The following MUC5B variants were observed in gnomAD, a reference collection of about 807,000 sequenced individuals.
MUC5B encodes mucin 5B, oligomeric mucus/gel-forming, also known as mucin-5B.
In MUC5B, 116 loss-of-function variants were observed where a neutral mutation model predicts 376.9. The observed-to-expected ratio is 0.31, with a 90% CI of 0.26 to 0.36. MUC5B has a LOEUF of 0.36. Ranked by LOEUF, MUC5B falls within the 10% of genes least tolerant of loss-of-function variation. The probability of loss-of-function intolerance (pLI) is 1.00; values close to 1 mark genes in which losing one functional copy is unlikely to be tolerated. For missense variants in MUC5B, 7,165 were observed against 7,769.9 expected (o/e 0.92, Z 2.93); for synonymous variants, 3,517 against 3,390.9 (o/e 1.04, Z -1.29).
chr11:1,232,426 G>A (rs1267967175), intron 15 of MUC5B, 24 bp from the exon 16 acceptor site: 1 of 1,583,236 alleles, frequency 6.3e-7, no homozygotes, highest in Non-Finnish European at 8.6e-7. Context: ...AGGGCGTGGA[G>A]ATGAGGTCAG....
intron 8 of MUC5B, 112 bp from the exon 9 acceptor site, chr11:1,229,058 C>G: frequency 7.6e-7 from 1 of 1,317,854 alleles, no homozygotes; most frequent in South Asian, 1.5e-5. Flanking sequence ...GGGCCTAGCT[C>G]TGGCTTCTGT....
In MUC5B at chr11:1,243,662, C is replaced by A; in HGVS notation, c.6782C>A (p.Thr2261Asn). ...TCCAGCCCTCACCCTAGCAGCAGAA[C>A]CACCGAGTCACCCCCTTCTCCAGGG... ...ALSSPHPSSRTTESPPSPGTT... is the reference protein window; with the variant it reads ...ALSSPHPSSRNTESPPSPGTT... The change falls in exon 31 of 49, where the codon ACC (threonine) becomes AAC (asparagine). Residue 2261 changes from threonine (T) to asparagine (N), a missense_variant. By Grantham distance (65) the Thr-to-Asn change is moderately conservative (BLOSUM62 0). Transcript: ENST00000529681. 1.2e-6 allele frequency: 2 copies of A among 1,611,482 alleles called. No homozygotes were observed. Among genetic ancestry groups the A allele is most frequent in the South Asian group, 1.1e-5 (1 of 90,952 alleles).
Position 1,248,646 on chromosome 11 carries a change from C to T in MUC5B, c.11766C>T (p.Thr3922=), listed in dbSNP as rs1862571895. The T allele has an allele frequency of 6.2e-7, 1 of 1,608,636 alleles. No homozygotes were observed. The highest frequency in any genetic ancestry group is 8.5e-7 in the Non-Finnish European group (1 of 1,177,980). The change falls in exon 31 of 49, where the codon ACC becomes ACT. Residue 3922 remains threonine (T), a synonymous_variant. Transcript: ENST00000529681. ...ACACCCCCACAGTGCTGACCACCAC[C>T]ACCACAACTGTGGCCACTGGTTCTA... The part of the protein sequence containing the change: ...TTHTPTVLTT[T]TTTVATGSMA...
At position 1,251,385 on chromosome 11, in the gene MUC5B, G is replaced by T. The variant is rs201832207; in HGVS notation, c.14505G>T (p.Thr4835=). Residue 4835 remains threonine, a synonymous_variant, in exon 31 of 49, where the codon ACG becomes ACT. Transcript: ENST00000529681. The part of the protein sequence containing the change: ...TATTTAATGS[T]ATLSSTPGTT... ...CTACAACTGCAGCCACTGGATCCAC[G>T]GCCACCCTGTCCTCCACCCCAGGGA... The T allele has an allele frequency of 1.9e-6, 3 of 1,612,376 alleles. No individual in the cohort carries two copies. In the East Asian group the frequency reaches 6.7e-5, roughly 36 times the overall value.
rs1179680071 is a variant in MUC5B, at chr11:1,258,953, C to T, written c.16605C>T (p.Thr5535=). The T allele has an allele frequency of 6.4e-7, 1 of 1,551,582 alleles. No homozygotes were observed. ...YNGTFYGVGA[T]FPGALPCHMC... is the part of the protein sequence containing the mutation. The stretch of plus-strand genomic sequence containing the variant: ...CCCACCCCTTGCAGGTTGGTGCAAC[C>T]TTCCCAGGCGCCCTTCCCTGCCACA... The change falls in exon 44 of 49, where the codon ACC becomes ACT. Residue 5535 remains threonine, a synonymous_variant. Transcript: ENST00000529681. The surrounding 1 kb of genome is among the most constrained non-coding windows in gnomAD (Gnocchi z 5.5).
chr11:1,256,606 C>A, intron 38 of MUC5B, 65 bp from the exon 39 acceptor site: 1 of 1,294,830 alleles, frequency 7.7e-7, no homozygotes, highest in Non-Finnish European at 1.1e-6. Flanking sequence ...CCTGGGGACT[C>A]ACGTGGATGA....
rs371344396 is a variant in MUC5B, at chr11:1,232,695, G to A, written c.1990G>A (p.Ala664Thr). The A allele has an allele frequency of 9.1e-5, 145 of 1,599,054 alleles. No individual in the cohort carries two copies. Among genetic ancestry groups the A allele is most frequent in the South Asian group, 4.7e-4 (42 of 88,760 alleles). ...NCERSEDCLC[A>T]ALSSYVHACA... ...TGAGCGGAGCGAGGACTGCCTGTGC[G>A]CCGCGCTGTCCTCCTATGTGCACGC... Residue 664 changes from alanine to threonine, a missense_variant, in exon 17 of 49, where the codon GCC becomes ACC. By Grantham distance (58) the Ala-to-Thr change is moderately conservative (BLOSUM62 0). Transcript: ENST00000529681.
rs1259356082 is a variant in MUC5B, at chr11:1,230,490, A to C, written c.1360A>C (p.Lys454Gln). ...HGDCSYVLSK[K>Q]CADSSFTVLA... Reference sequence around the variant, plus strand: ...TGCACGCGTGGGTCCTTCTCCCCAGAAATGTGCCGACAGCAGCTTCACCGT... The same window carrying C: ...TGCACGCGTGGGTCCTTCTCCCCAGCAATGTGCCGACAGCAGCTTCACCGT... The change falls in exon 12 of 49, where the codon AAA (lysine) becomes CAA (glutamine). Residue 454 changes from lysine to glutamine, a missense_variant and splice_region_variant. This residue lies in a region of MUC5B where 640 missense variants were observed against 733.0 expected (regional missense o/e 0.87). Transcript: ENST00000529681. 6.2e-7 allele frequency: 1 copy of C among 1,603,476 alleles called. No individual in the cohort carries two copies. Among genetic ancestry groups the C allele is most frequent in the East Asian group, 2.2e-5 (1 of 44,452 alleles).
At chr11:1,239,220 C>T (rs947687975) in intron 26 of MUC5B, 193 bp downstream of exon 26, 5 of 921,706 alleles carry the variant, frequency 5.4e-6, no homozygotes, top group African/African-American at 4.9e-5. Flanking sequence ...ACAGGTTGCC[C>T]CAGCATGAGA....
At chr11:1,223,238 C>A (rs764104075) in intron 1 of MUC5B, 45 bp downstream of exon 1, 25 of 705,040 alleles carry the variant, frequency 3.5e-5, no homozygotes, top group Non-Finnish European at 6.0e-5. Context: ...GTCTTCACGG[C>A]GGGGGTCTCT....
chr11:1,250,106 C>T lies in MUC5B; in HGVS notation c.13226C>T (p.Ala4409Val), dbSNP rs761125500. Residue 4409 changes from alanine (A) to valine (V), a missense_variant, in exon 31 of 49, where the codon GCC (alanine) becomes GTC (valine). Physicochemically the swap from Ala to Val is moderately conservative, Grantham distance 64 (BLOSUM62 0). This residue lies in a region of MUC5B where 431 missense variants were observed against 390.4 expected (regional missense o/e 1.10). Transcript: ENST00000529681. ...ATTTAATGPTATPSSTPGTTW... is the reference protein window; with the variant it reads ...ATTTAATGPTVTPSSTPGTTW... ...ACAACTGCAGCCACTGGCCCCACGGCCACCCCGTCCTCCACCCCAGGGACC... is the reference window on the plus strand; with the variant it reads ...ACAACTGCAGCCACTGGCCCCACGGTCACCCCGTCCTCCACCCCAGGGACC... 2 of 1,594,704 alleles carry T rather than the reference C, an allele frequency of 1.3e-6. No individual in the cohort carries two copies. Among genetic ancestry groups the T allele is most frequent in the Admixed American group, 1.7e-5 (1 of 58,566 alleles).
intron 26 of MUC5B, 124 bp from the exon 27 acceptor site, chr11:1,239,314 G>T: frequency 7.5e-7 from 1 of 1,332,830 alleles, no homozygotes; most frequent in Non-Finnish European, 1.0e-6. Context: ...GGCCCTGCAT[G>T]TCTGGGACAA....
rs553945865 is a variant in MUC5B, at chr11:1,250,116, C to T, written c.13236C>T (p.Ser4412=). The T allele has an allele frequency of 5.0e-6, 8 of 1,594,622 alleles. No individual in the cohort carries two copies. In the East Asian group the frequency reaches 1.4e-4, roughly 27 times the overall value. ...CCACTGGCCCCACGGCCACCCCGTC[C>T]TCCACCCCAGGGACCACCTGGATCC... The part of the protein sequence containing the change: ...TAATGPTATP[S]STPGTTWILT... The change falls in exon 31 of 49, where the codon TCC becomes TCT. Residue 4412 remains serine (S), a synonymous_variant. Coordinates refer to ENST00000529681, the MANE Select transcript of MUC5B (RefSeq NM_002458.3).
In MUC5B at chr11:1,244,669, T is replaced by A; in HGVS notation, c.7789T>A (p.Ser2597Thr). The change falls in exon 31 of 49, where the codon TCC (serine) becomes ACC (threonine). Residue 2597 changes from serine to threonine, a missense_variant. By Grantham distance (58) the Ser-to-Thr change is moderately conservative (BLOSUM62 1). Coordinates refer to ENST00000529681, the MANE Select transcript of MUC5B (RefSeq NM_002458.3). ...TGATGSVATP[S>T]STPGTAHTTK... Reference sequence around the variant, plus strand: ...GGCCACCGGCTCTGTGGCCACCCCCTCCTCCACCCCAGGAACAGCTCACAC... The same window carrying A: ...GGCCACCGGCTCTGTGGCCACCCCCACCTCCACCCCAGGAACAGCTCACAC... The A allele has an allele frequency of 6.2e-7, 1 of 1,609,366 alleles. No homozygotes were observed.
Position 1,248,543 on chromosome 11 carries a change from C to T in MUC5B, c.11663C>T (p.Pro3888Leu), listed in dbSNP as rs1862565642. The T allele has an allele frequency of 1.4e-5, 22 of 1,613,264 alleles. No individual in the cohort carries two copies. Among genetic ancestry groups the T allele is most frequent in the Non-Finnish European group, 1.9e-5 (22 of 1,179,684 alleles). ...AGCCCAGGGACGGCACGCACGCCTC[C>T]AGTGTGGATCAGCACAACCACCACA... Reference protein sequence around the residue: ...SSSPGTARTPPVWISTTTTPT... With the variant: ...SSSPGTARTPLVWISTTTTPT... The change falls in exon 31 of 49, where the codon CCA becomes CTA. Residue 3888 changes from proline (P) to leucine (L), a missense_variant. Physicochemically the swap from Pro to Leu is moderately conservative, Grantham distance 98. This residue lies in a region of MUC5B where 242 missense variants were observed against 199.0 expected (regional missense o/e 1.22). Coordinates refer to ENST00000529681, the MANE Select transcript of MUC5B (RefSeq NM_002458.3).
At position 1,246,747 on chromosome 11, in the gene MUC5B, C is replaced by T; in HGVS notation, c.9867C>T (p.Ala3289=). ...CCACCACGACCACCACAACCAGGGC[C>T]ACCGGCTCTGTGGCCACCCCCTCCT... ...VLTTTTTTTR[A]TGSVATPSST... The change falls in exon 31 of 49, where the codon GCC becomes GCT. Residue 3289 remains alanine, a synonymous_variant. Transcript: ENST00000529681. 4 of 1,609,748 alleles carry T rather than the reference C, an allele frequency of 2.5e-6. No individual in the cohort carries two copies. Among genetic ancestry groups the T allele is most frequent in the South Asian group, 2.2e-5 (2 of 90,916 alleles).
intron 1 of MUC5B, among the ~76,000 whole-genome samples, chr11:1,223,638 C>G (rs1347303922): frequency 6.6e-6 from 1 of 152,202 alleles, no homozygotes; most frequent in Admixed American, 6.5e-5. Flanking sequence ...GGGATCACAG[C>G]TGGCAGGGCA....
Position 1,242,052 on chromosome 11 carries a change from C to T in MUC5B, c.5172C>T (p.Thr1724=), listed in dbSNP as rs1432209823. Residue 1724 remains threonine (T), a synonymous_variant, in exon 31 of 49, where the codon ACC becomes ACT. Transcript: ENST00000529681. ...PPTLAPTTMA[T]SRARPTGTAS... ...CGCTGGCCCCAACAACAATGGCAAC[C>T]TCCAGAGCTCGCCCGACAGGCACAG... The T allele has an allele frequency of 3.1e-6, 5 of 1,596,198 alleles. No individual in the cohort carries two copies. The South Asian group carries it at 4.5e-5, about 14-fold the overall frequency.
At position 1,251,290 on chromosome 11, in the gene MUC5B, A is replaced by T; in HGVS notation, c.14410A>T (p.Asn4804Tyr). Reference sequence around the variant, plus strand: ...CACAGCCACCATGACAAGGGCCACCAATTCCACGGCCACACCCTCCTCCAC... The same window carrying T: ...CACAGCCACCATGACAAGGGCCACCTATTCCACGGCCACACCCTCCTCCAC... ...TTTATMTRATNSTATPSSTLG... is the reference protein window; with the variant it reads ...TTTATMTRATYSTATPSSTLG... Residue 4804 changes from asparagine to tyrosine, a missense_variant, in exon 31 of 49, where the codon AAT becomes TAT. Around this residue, in one of 31 missense-constraint regions of MUC5B, gnomAD observed 730 missense variants for 592.7 expected, o/e 1.23. Coordinates refer to ENST00000529681, the MANE Select transcript of MUC5B (RefSeq NM_002458.3). 6.2e-7 allele frequency: 1 copy of T among 1,609,206 alleles called. No individual in the cohort carries two copies. Among genetic ancestry groups the T allele is most frequent in the Middle Eastern group, 1.7e-4 (1 of 6,060 alleles).
Sources: gnomAD v4.1 joint callset for allele counts (sites outside exome capture counted in the v4.1 genomes callset) on GRCh38, gnomAD v4.1.1 for gene constraint, gnomAD v4.1.1 regional missense constraint, Gnocchi (gnomAD v3.1) non-coding constraint, MANE v1.5 for transcripts, NCBI Gene and HGNC (gene_info 2026-07-23, HGNC 2026-07-21) for gene names.